The following PCDH9 variants were observed in gnomAD, a reference collection of about 807,000 sequenced individuals.
PCDH9 encodes the protein protocadherin 9.
PCDH9 carries 24 observed loss-of-function variants against 70.6 expected under a neutral mutation model. That is an observed-to-expected ratio of 0.34 (90% CI 0.25 to 0.48). The LOEUF (loss-of-function observed/expected upper bound fraction) is 0.48, where lower values mean the gene tolerates loss of function less well. Among genes scored for constraint, PCDH9 ranks in the 20% least tolerant of loss-of-function variants. The pLI is 0.99. For missense variants in PCDH9, 1,281 were observed against 1,503.6 expected, an observed-to-expected ratio of 0.85 and a Z score of 2.45; for synonymous variants, 562 against 558.5, an observed-to-expected ratio of 1.01 and a Z score of -0.09.
intron 2 of PCDH9, among the ~76,000 whole-genome samples, chr13:67,103,428 C>T (rs9540998): frequency 0.12 from 18,479 of 151,956 alleles, 1,198 homozygotes; most frequent in African/African-American, 0.15. Flanking sequence ...TTACACGTAA[C>T]AATCAGAGAT....
intron 4 of PCDH9, among the ~76,000 whole-genome samples, chr13:66,589,235 A>G (rs577231228): frequency 5.3e-5 from 8 of 152,118 alleles, no homozygotes; most frequent in Non-Finnish European, 1.0e-4. Flanking sequence ...TGTACTTGAA[A>G]GAAAGCAATC....
At chr13:66,898,285 ATG>A (rs2082217824) in intron 3 of PCDH9, among the ~76,000 whole-genome samples, 1 of 152,008 alleles carries the variant, frequency 6.6e-6, no homozygotes, top group Admixed American at 6.6e-5. Flanking sequence ...AATAACATAT[ATG>A]TGTGTGTATA....
chr13:66,602,633 C>T lies in PCDH9; in HGVS notation c.3340+28577G>A, dbSNP rs910775042. Among the ~76,000 whole-genome samples, 8 of 145,076 alleles carry T rather than the reference C, an allele frequency of 5.5e-5. 1 individual carries two copies. Among genetic ancestry groups the T allele is most frequent in the Admixed American group, 4.9e-4 (7 of 14,372 alleles). ...AAAAATTTTTAAAAGTAAAAGTAAG[C>T]TAAGTTTAATTTATTATTGAAGAAA... On this transcript the variant is annotated intron_variant, in intron 4 of 4. Transcript: ENST00000377865.
At chr13:67,019,148 T>C (rs2084622833) in intron 2 of PCDH9, among the ~76,000 whole-genome samples, 1 of 151,704 alleles carries the variant, frequency 6.6e-6, no homozygotes, top group African/African-American at 2.4e-5. Context: ...GTTTAAATAG[T>C]TGCCCAGGAG....
chr13:66,324,387 A>C (rs945197027), intron 4 of PCDH9, among the ~76,000 whole-genome samples: 1 of 152,008 alleles, frequency 6.6e-6, no homozygotes, highest in Non-Finnish European at 1.5e-5. Flanking sequence ...TAACCCCATT[A>C]TTTCCATTAG....
In PCDH9 at chr13:67,227,080, A is replaced by C. The variant is rs970873120; in HGVS notation, c.1361T>G (p.Leu454Arg). The change falls in exon 2 of 5, where the codon CTG becomes CGG. Residue 454 changes from leucine (L) to arginine (R), a missense_variant. This residue lies in a region of PCDH9 where 798 missense variants were observed against 1,003.1 expected (regional missense o/e 0.80). Transcript: ENST00000377865. This position sits in a 1 kb window ranked among gnomAD's most constrained non-coding sequence, Gnocchi z 4.6. ...SGKPSLNQTALVRVKLEDEND... is the reference protein window; with the variant it reads ...SGKPSLNQTARVRVKLEDEND... ...TTCATCCTCAAGCTTAACCCTTACC[A>C]GGGCAGTCTGATTTAAACTGGGCTT... 5 of 1,614,186 alleles carry C rather than the reference A, an allele frequency of 3.1e-6. No individual in the cohort carries two copies. Among genetic ancestry groups the C allele is most frequent in the Non-Finnish European group, 4.2e-6 (5 of 1,180,016 alleles).
chr13:67,202,907 T>C (rs2089251474), intron 2 of PCDH9: 1 of 152,028 alleles, frequency 6.6e-6, no homozygotes, highest in Admixed American at 6.6e-5. Flanking sequence ...ATTTCCAAGG[T>C]AATAAAGAGA....
At chr13:66,598,339 T>C (rs934394531) in intron 4 of PCDH9, among the ~76,000 whole-genome samples, 3 of 151,774 alleles carry the variant, frequency 2.0e-5, no homozygotes, top group African/African-American at 7.3e-5. Context: ...ACCTTTACAT[T>C]AAATGGAAAA....
intron 4 of PCDH9, among the ~76,000 whole-genome samples, chr13:66,518,001 G>T (rs1959817812): frequency 6.6e-6 from 1 of 152,000 alleles, no homozygotes. Flanking sequence ...TTGCTATAAA[G>T]AAATACCTGA....
intron 4 of PCDH9, among the ~76,000 whole-genome samples, chr13:66,500,534 T>C (rs1959171753): frequency 6.6e-6 from 1 of 152,090 alleles, no homozygotes; most frequent in African/African-American, 2.4e-5. Flanking sequence ...AGGGTAAGCA[T>C]GGAAAACATT....
rs34829318 is a variant in PCDH9, at chr13:67,216,683, C to CATATATATATATATATATATATATAT, written c.3036+8721_3036+8722insATATATATATATATATATATATATAT. 6.7e-3 allele frequency: 608 copies of CATATATATATATATATATATATATAT among 90,464 alleles called. 33 individuals are homozygous for CATATATATATATATATATATATATAT. Among genetic ancestry groups the CATATATATATATATATATATATATAT allele is most frequent in the East Asian group, 0.022 (36 of 1,672 alleles). The allele number at this position is 90,464 out of a possible 1,614,324, so 5.6% of individuals were successfully genotyped here. On this transcript the variant is annotated intron_variant, in intron 2 of 4. Coordinates refer to ENST00000377865, the MANE Select transcript of PCDH9 (RefSeq NM_203487.3). ...CACACTTTGTGGTTGTCTTAAGCAACATATATATATATATATATATATATG... is the reference window on the plus strand; with the variant it reads ...CACACTTTGTGGTTGTCTTAAGCAACATATATATATATATATATATATATATATATATATATATATATATATATATG...
intron 4 of PCDH9, among the ~76,000 whole-genome samples, chr13:66,362,335 T>C (rs553625343): frequency 6.6e-6 from 1 of 152,204 alleles, no homozygotes; most frequent in Non-Finnish European, 1.5e-5. Flanking sequence ...GTAGTCTCTG[T>C]GAGCACTCCA....
chr13:67,152,390 C>T (rs1365351836), intron 2 of PCDH9, among the ~76,000 whole-genome samples: 6 of 152,148 alleles, frequency 3.9e-5, no homozygotes, highest in Admixed American at 3.9e-4. Context: ...TCTGATTTTA[C>T]CTTATTGATA....
chr13:67,172,200 A>G (rs7329215), intron 2 of PCDH9, among the ~76,000 whole-genome samples: 99,735 of 151,956 alleles, frequency 0.66, 34,400 homozygotes, highest in Non-Finnish European at 0.77. Context: ...AATGTTAACT[A>G]TATCTAGCAT....
chr13:66,876,426 ATTG>A (rs1325396173), intron 3 of PCDH9, among the ~76,000 whole-genome samples: 2 of 152,154 alleles, frequency 1.3e-5, no homozygotes, highest in East Asian at 3.9e-4. Flanking sequence ...CATGTTTCAC[ATTG>A]TTAATTCAAA....
At chr13:66,801,675 T>C (rs1419102998) in intron 3 of PCDH9, among the ~76,000 whole-genome samples, 1 of 152,106 alleles carries the variant, frequency 6.6e-6, no homozygotes, top group Non-Finnish European at 1.5e-5. Flanking sequence ...GAAAATGTTA[T>C]AGAATTTCTG....
intron 2 of PCDH9, among the ~76,000 whole-genome samples, chr13:67,087,925 C>T (rs539454272): frequency 1.5e-4 from 23 of 152,042 alleles, no homozygotes; most frequent in African/African-American, 4.1e-4. Context: ...TGGATACTCC[C>T]GCACCAAATT....
chr13:67,162,971 T>A (rs1467585596), intron 2 of PCDH9, among the ~76,000 whole-genome samples: 1 of 152,176 alleles, frequency 6.6e-6, no homozygotes, highest in Admixed American at 6.5e-5. Context: ...AGCTCTTTAT[T>A]TGCGATCCAG....
chr13:66,681,950 CATAT>C (rs56280836), intron 3 of PCDH9, among the ~76,000 whole-genome samples: 3 of 130,370 alleles, frequency 2.3e-5, no homozygotes, highest in Non-Finnish European at 3.2e-5. Context: ...TATATACAAA[CATAT>C]ATATATATAT....
Sources: gnomAD v4.1 joint callset for allele counts (sites outside exome capture counted in the v4.1 genomes callset) on GRCh38, gnomAD v4.1.1 for gene constraint, gnomAD v4.1.1 regional missense constraint, Gnocchi (gnomAD v3.1) non-coding constraint, MANE v1.5 for transcripts, NCBI Gene and HGNC (gene_info 2026-07-23, HGNC 2026-07-21) for gene names.